The following PCDHGB5 variants were observed in gnomAD, a reference collection of about 807,000 sequenced individuals.
The protein encoded by PCDHGB5 is protocadherin gamma subfamily B, 5.
PCDHGB5 carries 48 observed loss-of-function variants against 62.9 expected under a neutral mutation model. The observed-to-expected ratio is 0.76, with a 90% confidence interval of 0.61 to 0.97. The LOEUF is 0.97. PCDHGB5 is among the 50% of genes least tolerant of loss of function. The pLI is 0.00. For missense variants in PCDHGB5, 1,118 were observed against 1,198.6 expected (o/e 0.93, Z 0.99); for synonymous variants, 474 against 511.2 (o/e 0.93, Z 0.98).
intron 1 of PCDHGB5, among the ~76,000 whole-genome samples, chr5:141,455,844 T>TA (rs2098833146): frequency 6.6e-6 from 1 of 150,818 alleles, no homozygotes; most frequent in Non-Finnish European, 1.5e-5. Flanking sequence ...TCTATCTGCA[T>TA]AAAATAATTT....
chr5:141,410,489 G>A, intron 1 of PCDHGB5: 3 of 1,613,972 alleles, frequency 1.9e-6, no homozygotes, highest in Non-Finnish European at 1.7e-6. Context: ...GGGTACAAAA[G>A]AGTTTAATTT....
rs1279890312 is a variant in PCDHGB5, at chr5:141,432,403, G to C, written c.2397+31879G>C. On this transcript the variant is annotated intron_variant, in intron 1 of 3. Transcript: ENST00000617380. This position sits in a 1 kb window ranked among gnomAD's most constrained non-coding sequence, Gnocchi z 6.0. ...CGCCCCTCAGCAGCAACGTGTCGTT[G>C]AGCCTGTTCGTGCTGGACCAGAACG... 1.9e-6 allele frequency: 3 copies of C among 1,614,242 alleles called. No homozygotes were observed. Among genetic ancestry groups the C allele is most frequent in the Non-Finnish European group, 8.5e-7 (1 of 1,180,052 alleles).
rs2150736860 is a variant in PCDHGB5 at position 141,398,228 on chromosome 5, G to A, written c.101G>A (p.Arg34His). ...TGCCCGGCGCTCTGTGAGCAGATCC[G>A]CTACAGGATTCCCGAGGAAATGCCC... ...LFCPALCEQI[R>H]YRIPEEMPKG... is the part of the protein sequence containing the mutation. The change falls in exon 1 of 4, where the codon CGC becomes CAC. Residue 34 changes from arginine to histidine, a missense_variant. Arg to His is a conservative substitution (Grantham distance 29, BLOSUM62 0). Around this residue, in one of 2 missense-constraint regions of PCDHGB5, gnomAD observed 84 missense variants for 169.5 expected, o/e 0.50. Coordinates refer to ENST00000617380, the MANE Select transcript of PCDHGB5 (RefSeq NM_018925.3). The A allele has an allele frequency of 6.8e-7, 1 of 1,475,144 alleles. No homozygotes were observed. The highest frequency in any genetic ancestry group is 2.5e-5 in the East Asian group (1 of 40,526). 91.4% of individuals were successfully genotyped at this position (1,475,144 alleles called of 1,614,324 possible). A position where few individuals can be genotyped will look rare whatever the true frequency, so the allele number is the denominator to read the frequency against.
chr5:141,441,762 C>T (rs3805697), intron 1 of PCDHGB5: 63,073 of 367,490 alleles, frequency 0.17, 6,544 homozygotes, highest in Admixed American at 0.27. Context: ...CGTGAGCCTG[C>T]GCGTGTTGGT....
chr5:141,503,528 G>A (rs1411240550), intron 2 of PCDHGB5, among the ~76,000 whole-genome samples: 2 of 151,470 alleles, frequency 1.3e-5, no homozygotes, highest in Non-Finnish European at 2.9e-5. Flanking sequence ...GAACCTGGGA[G>A]GCAGAGGTTG....
At chr5:141,474,892 A>G (rs1419975508) in intron 1 of PCDHGB5, among the ~76,000 whole-genome samples, 1 of 152,208 alleles carries the variant, frequency 6.6e-6, no homozygotes, top group Non-Finnish European at 1.5e-5. Context: ...TTAGAGGTTC[A>G]TTTCTTGTTC....
chr5:141,410,437 G>C, intron 1 of PCDHGB5: 1 of 1,614,040 alleles, frequency 6.2e-7, no homozygotes, highest in Non-Finnish European at 8.5e-7. Context: ...ACTACAGTGA[G>C]GGGACTTTGC....
intron 1 of PCDHGB5, among the ~76,000 whole-genome samples, chr5:141,465,205 G>A (rs1460694369): frequency 6.6e-6 from 1 of 151,892 alleles, no homozygotes; most frequent in Admixed American, 6.6e-5. Flanking sequence ...AAAAATATAA[G>A]CTTTATTTTT....
intron 1 of PCDHGB5, chr5:141,412,090 T>C (rs1008718786): frequency 3.3e-5 from 5 of 152,218 alleles, no homozygotes; most frequent in Admixed American, 2.0e-4. Flanking sequence ...ACTGGGTTGA[T>C]GGGCACACAC....
intron 1 of PCDHGB5, chr5:141,442,367 T>C (rs1304138950): frequency 6.6e-6 from 1 of 152,282 alleles, no homozygotes; most frequent in Non-Finnish European, 1.5e-5. Flanking sequence ...TATGATGCCA[T>C]ATTCCTACCA....
At chr5:141,405,257 A>T (rs747554046) in intron 1 of PCDHGB5, 2 of 1,613,954 alleles carry the variant, frequency 1.2e-6, no homozygotes, top group Non-Finnish European at 1.7e-6. Flanking sequence ...GAGTCACCTG[A>T]TCTTCCCCCA....
At chr5:141,403,652 G>C in intron 1 of PCDHGB5, 1 of 1,613,908 alleles carries the variant, frequency 6.2e-7, no homozygotes, top group South Asian at 1.1e-5. Context: ...GACAGTGTTG[G>C]ATACAAATGA....
chr5:141,496,440 A>G (rs2099768848), intron 2 of PCDHGB5, among the ~76,000 whole-genome samples: 1 of 152,158 alleles, frequency 6.6e-6, no homozygotes, highest in South Asian at 2.1e-4. Flanking sequence ...AAGTTGCTAC[A>G]GATGCTGAGC....
At chr5:141,510,695 C>T (rs1023505006) in intron 3 of PCDHGB5, among the ~76,000 whole-genome samples, 1 of 152,166 alleles carries the variant, frequency 6.6e-6, no homozygotes, top group Non-Finnish European at 1.5e-5. Context: ...GTTAGGTAGA[C>T]TTGCCCAGGA....
Position 141,492,023 on chromosome 5 carries a change from C to G in PCDHGB5, c.2398-2784C>G, listed in dbSNP as rs536734764. 1.8e-4 allele frequency: 102 copies of G among 564,804 alleles called. 3 individuals carry two copies. In the South Asian group the frequency reaches 2.8e-3, roughly 15 times the overall value. The allele number at this position is 564,804 out of a possible 1,614,324, so 35.0% of individuals were successfully genotyped here. A position where few individuals can be genotyped will look rare whatever the true frequency, so the allele number is the denominator to read the frequency against. On this transcript the variant is annotated intron_variant, in intron 1 of 3. Coordinates refer to ENST00000617380, the MANE Select transcript of PCDHGB5 (RefSeq NM_018925.3). Reference sequence around the variant, plus strand: ...CGATTTCCGCGGGTGTCGGGGGTCCCGGGAGGAGGCAGTCACAGATCCACC... The same window carrying G: ...CGATTTCCGCGGGTGTCGGGGGTCCGGGGAGGAGGCAGTCACAGATCCACC...
intron 1 of PCDHGB5, among the ~76,000 whole-genome samples, chr5:141,425,406 T>C (rs915792432): frequency 3.9e-5 from 6 of 152,222 alleles, no homozygotes; most frequent in Non-Finnish European, 7.3e-5. Flanking sequence ...TCTGTTAAGG[T>C]ATAACATATA....
chr5:141,430,910 G>A lies in PCDHGB5; in HGVS notation c.2397+30386G>A. The A allele has an allele frequency of 6.2e-7, 1 of 1,608,040 alleles. No homozygotes were observed. The highest frequency in any genetic ancestry group is 8.5e-7 in the Non-Finnish European group (1 of 1,177,584). On this transcript the variant is annotated intron_variant, in intron 1 of 3. Coordinates refer to ENST00000617380, the MANE Select transcript of PCDHGB5 (RefSeq NM_018925.3). ...CTCTAGGGTGGGCGACATCTCCAGG[G>A]ACCTGGGGCTGGAGCCCCGGGAGCT...
Position 141,455,633 on chromosome 5 carries a change from G to A in PCDHGB5, c.2398-39174G>A, listed in dbSNP as rs1049071525. On this transcript the variant is annotated intron_variant, in intron 1 of 3. Coordinates refer to ENST00000617380, the MANE Select transcript of PCDHGB5 (RefSeq NM_018925.3). ...ATGTTCTAAACACGTGGAGATATGT[G>A]GGGGGCAGCCATGTGGCCAGGAACT... Among the ~76,000 whole-genome samples, 19 of 152,198 alleles carry A rather than the reference G, an allele frequency of 1.2e-4. No homozygotes were observed. In the East Asian group the frequency reaches 3.1e-3, roughly 25 times the overall value.
intron 1 of PCDHGB5, among the ~76,000 whole-genome samples, chr5:141,439,595 G>A (rs752771969): frequency 3.9e-5 from 6 of 152,192 alleles, no homozygotes; most frequent in Non-Finnish European, 5.9e-5. Flanking sequence ...CTGTTGGCCA[G>A]TCTGGAAACA....
Sources: allele counts gnomAD v4.1 joint callset (sites outside exome capture counted in the v4.1 genomes callset), GRCh38; gene constraint gnomAD v4.1.1; regional missense constraint gnomAD v4.1.1; non-coding constraint Gnocchi (gnomAD v3.1); transcripts MANE v1.5; gene names NCBI Gene and HGNC (gene_info 2026-07-23, HGNC 2026-07-21).